The following EPHA4 variants were observed in gnomAD, a reference collection of about 807,000 sequenced individuals.
EPHA4 encodes the protein EPH receptor A4, also known as ephrin type-A receptor 4.
EPHA4 carries 19 observed loss-of-function variants against 108.3 expected under a neutral mutation model. The observed-to-expected ratio is 0.18, with a 90% CI of 0.12 to 0.26. EPHA4 has a LOEUF of 0.26. Ranked by LOEUF, EPHA4 falls within the 10% of genes least tolerant of loss-of-function variation. EPHA4 has a pLI of 1.00. For synonymous variants in EPHA4, 449 were observed against 455.5 expected, an observed-to-expected ratio of 0.99 and a Z score of 0.18; for missense variants, 917 against 1,254.0, an observed-to-expected ratio of 0.73 and a Z score of 4.06.
intron 3 of EPHA4, among the ~76,000 whole-genome samples, chr2:221,504,344 T>A (rs1226461939): frequency 6.6e-6 from 1 of 151,330 alleles, no homozygotes; most frequent in African/African-American, 2.4e-5. Flanking sequence ...TAAAAAAAGA[T>A]GGAGGAGGAG....
At chr2:221,558,820 C>T (rs980894759) in intron 3 of EPHA4, among the ~76,000 whole-genome samples, 1 of 152,024 alleles carries the variant, frequency 6.6e-6, no homozygotes, top group African/African-American at 2.4e-5. Context: ...TAAAGAATTA[C>T]ATTTTTTCAA....
intron 8 of EPHA4, among the ~76,000 whole-genome samples, chr2:221,454,561 C>CT (rs1690881806): frequency 6.6e-6 from 1 of 152,132 alleles, no homozygotes; most frequent in Non-Finnish European, 1.5e-5. Context: ...AGGCTTAGCC[C>CT]TTTTTTTCAC....
At position 221,488,667 on chromosome 2, in the gene EPHA4, T is replaced by C. The variant is rs181468417; in HGVS notation, c.980-5977A>G. ...ACAGCATTAAGCCCCAAAGAAACTA[T>C]AGCCACATGATAGTAGATACAAAGG... On this transcript the variant is annotated intron_variant, in intron 4 of 17. Transcript: ENST00000281821. Among the ~76,000 whole-genome samples, 349 of 152,322 alleles carry C rather than the reference T, an allele frequency of 2.3e-3. 6 individuals carry two copies. Among genetic ancestry groups the C allele is most frequent in the Admixed American group, 0.018 (273 of 15,308 alleles).
At chr2:221,441,321 G>A (rs1011159032) in intron 11 of EPHA4, among the ~76,000 whole-genome samples, 5 of 151,370 alleles carry the variant, frequency 3.3e-5, no homozygotes, top group Non-Finnish European at 4.4e-5. Flanking sequence ...ATGGACAGGC[G>A]GCAGGGAAAT....
In EPHA4 at chr2:221,563,829, A is replaced by G; in HGVS notation, c.725T>C (p.Val242Ala). The G allele has an allele frequency of 6.2e-7, 1 of 1,614,210 alleles. No individual in the cohort carries two copies. The highest frequency in any genetic ancestry group is 8.5e-7 in the Non-Finnish European group (1 of 1,180,044). Residue 242 changes from valine to alanine, a missense_variant, in exon 3 of 18, where the codon GTG becomes GCG. Physicochemically the swap from Val to Ala is moderately conservative, Grantham distance 64. Transcript: ENST00000281821. ...SCVNNSEEKD[V>A]PKMYCGADGE... ...ATCTGCCCCACAGTACATTTTTGGC[A>G]CATCTTTCTCTTCTGAGTTGTTGAC...
At chr2:221,546,515 ATATTT>A (rs1459039498) in intron 3 of EPHA4, among the ~76,000 whole-genome samples, 1 of 151,104 alleles carries the variant, frequency 6.6e-6, no homozygotes, top group Non-Finnish European at 1.5e-5. Context: ...TATTTATTAT[ATATTT>A]TATTAATTTA....
chr2:221,434,945 A>G (rs753543685), intron 13 of EPHA4, among the ~76,000 whole-genome samples: 19 of 152,184 alleles, frequency 1.2e-4, no homozygotes, highest in Non-Finnish European at 2.5e-4. Context: ...AATATTACCC[A>G]GGAAAAGTTG....
intron 3 of EPHA4, among the ~76,000 whole-genome samples, chr2:221,544,172 T>C (rs1237863305): frequency 1.3e-5 from 2 of 152,160 alleles, no homozygotes; most frequent in East Asian, 3.9e-4. Flanking sequence ...TTTCAACATA[T>C]AAATTCGAAG....
At chr2:221,469,037 C>A (rs534519132) in intron 5 of EPHA4, among the ~76,000 whole-genome samples, 1 of 152,218 alleles carries the variant, frequency 6.6e-6, no homozygotes, top group African/African-American at 2.4e-5. Context: ...ACTAGTAATA[C>A]TAACGATCTC....
At chr2:221,497,968 T>G (rs1692349572) in intron 4 of EPHA4, among the ~76,000 whole-genome samples, 1 of 152,228 alleles carries the variant, frequency 6.6e-6, no homozygotes, top group South Asian at 2.1e-4. Flanking sequence ...AAATTTTCTC[T>G]TCTTCCCCTT....
chr2:221,550,416 GGGGAGAGA>G (rs1012630950), intron 3 of EPHA4, among the ~76,000 whole-genome samples: 10 of 130,730 alleles, frequency 7.6e-5, no homozygotes, highest in Admixed American at 3.0e-4. Context: ...GATGAGGAAA[GGGGAGAGA>G]GAGAGAGAGA....
chr2:221,534,362 C>T (rs1693602421), intron 3 of EPHA4, among the ~76,000 whole-genome samples: 1 of 152,168 alleles, frequency 6.6e-6, no homozygotes, highest in Non-Finnish European at 1.5e-5. Flanking sequence ...CTTGGCTAAT[C>T]CATATCCAGT....
At chr2:221,523,518 C>G (rs1693235546) in intron 3 of EPHA4, among the ~76,000 whole-genome samples, 1 of 152,114 alleles carries the variant, frequency 6.6e-6, no homozygotes, top group Non-Finnish European at 1.5e-5. Flanking sequence ...AACTCCCAAC[C>G]TCAGGTGATC....
chr2:221,425,983 T>C lies in EPHA4; in HGVS notation c.*45A>G. 1 of 1,501,414 alleles carries C rather than the reference T, an allele frequency of 6.7e-7. No individual in the cohort carries two copies. Among genetic ancestry groups the C allele is most frequent in the Non-Finnish European group, 9.3e-7 (1 of 1,078,010 alleles). 93.0% of individuals were successfully genotyped at this position (1,501,414 alleles called of 1,614,324 possible). A position where few individuals can be genotyped will look rare whatever the true frequency, so the allele number is the denominator to read the frequency against. Reference sequence around the variant, plus strand: ...CAGTTCTTCAATTAAAGTGCATGGATGAGGTAAACTAATTTCAAGAGTTTT... The same window carrying C: ...CAGTTCTTCAATTAAAGTGCATGGACGAGGTAAACTAATTTCAAGAGTTTT... On this transcript the variant is annotated 3_prime_UTR_variant, in exon 17 of 18. Coordinates refer to ENST00000281821, the MANE Select transcript of EPHA4 (RefSeq NM_004438.5).
intron 3 of EPHA4, among the ~76,000 whole-genome samples, chr2:221,533,884 C>A (rs949034262): frequency 6.6e-6 from 1 of 152,146 alleles, no homozygotes; most frequent in Non-Finnish European, 1.5e-5. Flanking sequence ...CTCTTTGCCA[C>A]CTTGGGTGCA....
chr2:221,437,159 G>A (rs1690266214), intron 11 of EPHA4, 37 bp from the exon 12 acceptor site: 2 of 1,474,974 alleles, frequency 1.4e-6, no homozygotes, highest in South Asian at 1.1e-5. Context: ...AACCTTTGAT[G>A]AGCGCTGCAC....
intron 11 of EPHA4, 144 bp from the exon 12 acceptor site, chr2:221,437,266 C>A: frequency 1.7e-6 from 1 of 574,646 alleles, no homozygotes; most frequent in South Asian, 2.5e-5. Context: ...TATGCCTCAG[C>A]TGTGGGGAGC....
chr2:221,558,350 T>C (rs1287537982), intron 3 of EPHA4, among the ~76,000 whole-genome samples: 1 of 152,078 alleles, frequency 6.6e-6, no homozygotes, highest in Non-Finnish European at 1.5e-5. Flanking sequence ...TTACAATTTT[T>C]ACTTTATGTA....
At chr2:221,475,031 C>T (rs1230558176) in intron 5 of EPHA4, among the ~76,000 whole-genome samples, 2 of 152,006 alleles carry the variant, frequency 1.3e-5, no homozygotes, top group African/African-American at 4.8e-5. Flanking sequence ...CCACAACACC[C>T]GTCTAATTTT....
Sources: gnomAD v4.1 joint callset for allele counts (sites outside exome capture counted in the v4.1 genomes callset) on GRCh38, gnomAD v4.1.1 for gene constraint, MANE v1.5 for transcripts, NCBI Gene and HGNC (gene_info 2026-07-23, HGNC 2026-07-21) for gene names.